The following SLC6A17 variants were observed in gnomAD, a reference collection of about 807,000 sequenced individuals.
SLC6A17 encodes solute carrier family 6 member 17, also known as sodium-dependent neutral amino acid transporter SLC6A17.
Under a neutral mutation model 64.5 loss-of-function variants are expected in SLC6A17, and 21 were observed. The observed-to-expected ratio is 0.33, with a 90% confidence interval of 0.23 to 0.47. SLC6A17 has a LOEUF of 0.47. Ranked by LOEUF, SLC6A17 falls within the 20% of genes least tolerant of loss-of-function variation. SLC6A17 has a pLI of 1.00. For missense variants in SLC6A17, 682 were observed against 963.2 expected, an observed-to-expected ratio of 0.71 and a Z score of 3.86; for synonymous variants, 372 against 399.5, an observed-to-expected ratio of 0.93 and a Z score of 0.82.
chr1:110,185,152 G>A (rs745957509), intron 6 of SLC6A17, among the ~76,000 whole-genome samples: 2 of 152,206 alleles, frequency 1.3e-5, no homozygotes, highest in African/African-American at 2.4e-5. Context: ...CTCAGCAGTT[G>A]TTGGGCAAGT....
intron 3 of SLC6A17, 60 bp from the exon 4 acceptor site, chr1:110,173,913 C>CTCG: frequency 6.3e-7 from 1 of 1,584,834 alleles, no homozygotes; most frequent in South Asian, 1.2e-5. Context: ...TCGGGTGGAG[C>CTCG]GTGGGGGCAG....
intron 1 of SLC6A17, among the ~76,000 whole-genome samples, chr1:110,158,552 A>G (rs12118197): frequency 0.45 from 67,882 of 152,222 alleles, 16,011 homozygotes; most frequent in Non-Finnish European, 0.53. Flanking sequence ...TGAGTTGAGC[A>G]TAACTCTTTT....
intron 6 of SLC6A17, among the ~76,000 whole-genome samples, chr1:110,188,202 T>G (rs188597587): frequency 3.9e-4 from 60 of 152,312 alleles, no homozygotes; most frequent in African/African-American, 1.2e-3. Flanking sequence ...TAAAATTAAA[T>G]TAGAAACAAA....
chr1:110,189,411 G>C (rs940536490), intron 6 of SLC6A17, among the ~76,000 whole-genome samples: 8 of 152,024 alleles, frequency 5.3e-5, no homozygotes, highest in Non-Finnish European at 7.3e-5. Flanking sequence ...CATCCCGAAG[G>C]TCTCCTTGGT....
At position 110,183,753 on chromosome 1, in the gene SLC6A17, G is replaced by A. The variant is rs145406802; in HGVS notation, c.864+7014G>A. Among the ~76,000 whole-genome samples, 717 of 152,288 alleles carry A rather than the reference G, an allele frequency of 4.7e-3. 7 individuals are homozygous for A. The highest frequency in any genetic ancestry group is 0.015 in the African/African-American group (642 of 41,540). ...CAGGAGGGAAAGGCTGGGCCACGGC[G>A]CATGGACGCTGGCAGGTGAGATGCT... On this transcript the variant is annotated intron_variant, in intron 6 of 11. Coordinates refer to ENST00000331565, the MANE Select transcript of SLC6A17 (RefSeq NM_001010898.4).
chr1:110,161,291 C>T (rs923820017), intron 1 of SLC6A17, among the ~76,000 whole-genome samples: 3 of 152,194 alleles, frequency 2.0e-5, no homozygotes, highest in Admixed American at 6.5e-5. Flanking sequence ...ATGAAGAAAT[C>T]AGGAAGCTGC....
At position 110,201,095 on chromosome 1, in the gene SLC6A17, TCCCAGTAGAATCGCTAGCTCTTCTCC is replaced by T. The variant is rs1211906396; in HGVS notation, c.*2652_*2677del. 1 of 152,164 alleles carries T rather than the reference TCCCAGTAGAATCGCTAGCTCTTCTCC, an allele frequency of 6.6e-6. No individual in the cohort carries two copies. Among genetic ancestry groups the T allele is most frequent in the East Asian group, 1.9e-4 (1 of 5,192 alleles). 9.4% of individuals were successfully genotyped at this position (152,164 alleles called of 1,614,324 possible). On this transcript the variant is annotated 3_prime_UTR_variant, in exon 12 of 12. Transcript: ENST00000331565. ...TATTTACCAGTCAGCTTCTTGCTGT[TCCCAGTAGAATCGCTAGCTCTTCTCC>T]AGAGGAAAAGTACTAGGATTCTTAA...
rs769783827 is a variant in SLC6A17, at chr1:110,166,881, A to T, written c.-49A>T. ...AAGGAGCTGACAGCAGCTGAATTCC[A>T]TCTTCTCTGTGTGCTGGGGAGCAGG... On this transcript the variant is annotated 5_prime_UTR_variant, in exon 2 of 12. Transcript: ENST00000331565. 6 of 1,546,364 alleles carry T rather than the reference A, an allele frequency of 3.9e-6. No individual in the cohort carries two copies. Among genetic ancestry groups the T allele is most frequent in the Non-Finnish European group, 5.2e-6 (6 of 1,143,102 alleles).
rs1305950914 is a variant in SLC6A17 at position 110,201,437 on chromosome 1, C to A, written c.*2993C>A. 2 of 152,228 alleles carry A rather than the reference C, an allele frequency of 1.3e-5. No individual in the cohort carries two copies. Among genetic ancestry groups the A allele is most frequent in the African/African-American group, 2.4e-5 (1 of 41,432 alleles). The allele number at this position is 152,228 out of a possible 1,614,324, so 9.4% of individuals were successfully genotyped here. A position where few individuals can be genotyped will look rare whatever the true frequency, so the allele number is the denominator to read the frequency against. The stretch of plus-strand genomic sequence containing the variant: ...CCAGAAGGCAGAGGGAACTCCAGGG[C>A]AGGGATGTGCCTGAAAGAGTCAACA... On this transcript the variant is annotated 3_prime_UTR_variant, in exon 12 of 12. Transcript: ENST00000331565.
intron 11 of SLC6A17, 127 bp downstream of exon 11, chr1:110,197,726 T>A: frequency 9.1e-7 from 1 of 1,096,398 alleles, no homozygotes; most frequent in Non-Finnish European, 1.3e-6. Context: ...GCCTCACACC[T>A]AAACCGCAAT....
chr1:110,170,164 AC>A (rs1656180727), intron 2 of SLC6A17, among the ~76,000 whole-genome samples: 1 of 152,128 alleles, frequency 6.6e-6, no homozygotes, highest in Non-Finnish European at 1.5e-5. Flanking sequence ...ATCTTGCCCC[AC>A]CCAGAACACT....
chr1:110,196,679 T>C (rs71665085), intron 10 of SLC6A17, among the ~76,000 whole-genome samples: 6,710 of 152,288 alleles, frequency 0.044, 212 homozygotes, highest in Non-Finnish European at 0.069. Flanking sequence ...TAGCAAAATA[T>C]CATTTAAAAT....
chr1:110,163,538 G>A (rs1655972339), intron 1 of SLC6A17, among the ~76,000 whole-genome samples: 1 of 152,152 alleles, frequency 6.6e-6, no homozygotes, highest in African/African-American at 2.4e-5. Flanking sequence ...GCCCTCCCTG[G>A]GAGATGGGAG....
chr1:110,197,208 A>G (rs1656992348), intron 10 of SLC6A17, among the ~76,000 whole-genome samples: 1 of 152,208 alleles, frequency 6.6e-6, no homozygotes, highest in African/African-American at 2.4e-5. Flanking sequence ...GCCCTATCAT[A>G]TCTCTGGATG....
Position 110,192,230 on chromosome 1 carries a change from C to T in SLC6A17, c.1106+17C>T, listed in dbSNP as rs1337947299. 4.4e-6 allele frequency: 7 copies of T among 1,596,126 alleles called. No homozygotes were observed. Among genetic ancestry groups the T allele is most frequent in the Non-Finnish European group, 6.0e-6 (7 of 1,168,406 alleles). ...TGTGGTCGAGTAGGTGGCATCTCTCCTCCTGTCCCTCCTTCTCCCTGTCTA... is the reference window on the plus strand; with the variant it reads ...TGTGGTCGAGTAGGTGGCATCTCTCTTCCTGTCCCTCCTTCTCCCTGTCTA... On this transcript the variant is annotated intron_variant, in intron 7 of 11. Coordinates refer to ENST00000331565, the MANE Select transcript of SLC6A17 (RefSeq NM_001010898.4). The surrounding 1 kb of genome is among the most constrained non-coding windows in gnomAD (Gnocchi z 4.3).
At chr1:110,176,979 T>G (rs575457177) in intron 6 of SLC6A17, among the ~76,000 whole-genome samples, 8 of 152,218 alleles carry the variant, frequency 5.3e-5, no homozygotes, top group Admixed American at 3.9e-4. Flanking sequence ...GGAGGTAACA[T>G]CTGAAAGAGC....
At chr1:110,190,106 G>A in intron 6 of SLC6A17, among the ~76,000 whole-genome samples, 1 of 152,186 alleles carries the variant, frequency 6.6e-6, no homozygotes, top group Non-Finnish European at 1.5e-5. Flanking sequence ...ATGGATGAGT[G>A]GCTACATGTC....
At chr1:110,175,551 G>T (rs1656352986) in intron 5 of SLC6A17, among the ~76,000 whole-genome samples, 1 of 152,180 alleles carries the variant, frequency 6.6e-6, no homozygotes, top group Non-Finnish European at 1.5e-5. Context: ...GGCTGCCAGG[G>T]ATGAGAAGGA....
intron 1 of SLC6A17, among the ~76,000 whole-genome samples, chr1:110,151,595 A>G (rs976464796): frequency 7.2e-5 from 11 of 152,252 alleles, no homozygotes; most frequent in Admixed American, 2.6e-4. Context: ...CTCTGAAGCG[A>G]TGCTGGATGC....
Sources: allele counts gnomAD v4.1 joint callset (sites outside exome capture counted in the v4.1 genomes callset), GRCh38; gene constraint gnomAD v4.1.1; non-coding constraint Gnocchi (gnomAD v3.1); transcripts MANE v1.5; gene names NCBI Gene and HGNC (gene_info 2026-07-23, HGNC 2026-07-21).